Variants in RUNX1 observed in about 807,000 individuals in gnomAD.
RUNX1 encodes RUNX family transcription factor 1.
A neutral mutation model predicts 42.8 loss-of-function variants in RUNX1; 19 were observed. The observed-to-expected ratio is 0.44, with a 90% CI of 0.31 to 0.65. The LOEUF is 0.65. Ranked by LOEUF, RUNX1 falls within the 30% of genes least tolerant of loss-of-function variation. The pLI is 0.07. For missense variants in RUNX1, 528 were observed against 672.0 expected, an observed-to-expected ratio of 0.79 and a Z score of 2.37; for synonymous variants, 271 against 289.4, an observed-to-expected ratio of 0.94 and a Z score of 0.64.
chr21:34,801,226 A>G (rs773891704), intron 7 of RUNX1, among the ~76,000 whole-genome samples: 1 of 152,090 alleles, frequency 6.6e-6, no homozygotes, highest in Non-Finnish European at 1.5e-5. Context: ...AGCAAACAAA[A>G]GAGGTTTCAG....
intron 7 of RUNX1, among the ~76,000 whole-genome samples, chr21:34,815,444 C>T (rs1383811402): frequency 2.6e-5 from 4 of 152,134 alleles, no homozygotes; most frequent in African/African-American, 4.8e-5. Flanking sequence ...AGCACTGAAA[C>T]GCTCCAGGGC....
At chr21:34,899,190 A>C (rs1438939435) in intron 2 of RUNX1, among the ~76,000 whole-genome samples, 1 of 152,208 alleles carries the variant, frequency 6.6e-6, no homozygotes, top group Non-Finnish European at 1.5e-5. Flanking sequence ...TTGAGATTAC[A>C]GGTGTGAGCT....
intron 2 of RUNX1, among the ~76,000 whole-genome samples, chr21:34,945,876 T>A (rs371639861): frequency 3.3e-5 from 5 of 152,212 alleles, no homozygotes; most frequent in African/African-American, 1.2e-4. Context: ...TCCAGTCCCA[T>A]GTCTTCATTT....
At chr21:34,929,229 G>T (rs986961645) in intron 2 of RUNX1, among the ~76,000 whole-genome samples, 1 of 152,138 alleles carries the variant, frequency 6.6e-6, no homozygotes, top group Non-Finnish European at 1.5e-5. Context: ...CTTAATCACA[G>T]TGTATTTATT....
chr21:34,801,438 G>A (rs1007315380), intron 7 of RUNX1, among the ~76,000 whole-genome samples: 4 of 152,190 alleles, frequency 2.6e-5, no homozygotes, highest in South Asian at 2.1e-4. Context: ...CCATGCAAAC[G>A]TTGCATAATA....
rs1198818499 is a variant in RUNX1 at position 34,967,299 on chromosome 21, G to A, written c.59-74336C>T. ...CGCATCATTGCACTCCAGCCCAGGC[G>A]ACAGTGTGAGACTCGGTCTCAAAAA... On this transcript the variant is annotated intron_variant, in intron 2 of 8. Transcript: ENST00000675419. 1.1e-4 allele frequency among the ~76,000 whole-genome samples: 10 copies of A among 92,930 alleles called. No homozygotes were observed. The East Asian group carries it at 2.1e-3, about 19-fold the overall frequency. The allele number at this position is 92,930 out of a possible 152,430, so 61.0% of individuals were successfully genotyped here.
chr21:34,964,487 CAA>C (rs58388110), intron 2 of RUNX1, among the ~76,000 whole-genome samples: 6,174 of 119,254 alleles, frequency 0.052, 430 homozygotes, highest in African/African-American at 0.17. Context: ...GACTCCATCT[CAA>C]AAAAAAAAAA....
chr21:35,013,854 G>A lies in RUNX1; in HGVS notation c.58+34988C>T, dbSNP rs9653662. ...TTATCAACAATTTAAGGCCATTTAA[G>A]TAAACTACTGTGTTATAGAAATTCA... is the stretch of plus-strand genomic sequence containing the variant. On this transcript the variant is annotated intron_variant, in intron 2 of 8. Transcript: ENST00000675419. Among the ~76,000 whole-genome samples, 584 of 152,260 alleles carry A rather than the reference G, an allele frequency of 3.8e-3. 2 individuals carry two copies. Among genetic ancestry groups the A allele is most frequent in the African/African-American group, 0.013 (546 of 41,550 alleles).
At chr21:34,921,220 C>G (rs1476894270) in intron 2 of RUNX1, among the ~76,000 whole-genome samples, 2 of 152,188 alleles carry the variant, frequency 1.3e-5, no homozygotes, top group Non-Finnish European at 2.9e-5. Flanking sequence ...GCCATCACCA[C>G]CTTCCATCTC....
intron 2 of RUNX1, among the ~76,000 whole-genome samples, chr21:34,947,018 C>T (rs115185842): frequency 0.01 from 1,587 of 152,246 alleles, 23 homozygotes; most frequent in African/African-American, 0.037. Flanking sequence ...CCAATTCTAC[C>T]ATGGTCTTTC....
intron 3 of RUNX1, among the ~76,000 whole-genome samples, chr21:34,892,088 A>G (rs2058086785): frequency 6.6e-6 from 1 of 152,240 alleles, no homozygotes; most frequent in Non-Finnish European, 1.5e-5. Flanking sequence ...TTCCAAAATC[A>G]CATTTGTAAA....
chr21:35,014,433 T>C (rs1288425455), intron 2 of RUNX1, among the ~76,000 whole-genome samples: 4 of 152,216 alleles, frequency 2.6e-5, no homozygotes, highest in African/African-American at 9.7e-5. Context: ...CCAGGATCGA[T>C]ACTTAGTCAT....
At chr21:34,874,296 A>G (rs576118311) in intron 5 of RUNX1, among the ~76,000 whole-genome samples, 1 of 152,186 alleles carries the variant, frequency 6.6e-6, no homozygotes, top group South Asian at 2.1e-4. Context: ...ATAATCATCT[A>G]CAGAAAGAAA....
chr21:34,976,175 G>A (rs1275780197), intron 2 of RUNX1, among the ~76,000 whole-genome samples: 1 of 151,340 alleles, frequency 6.6e-6, no homozygotes, highest in Non-Finnish European at 1.5e-5. Flanking sequence ...TTTTCACACT[G>A]TTCAAGCTCA....
intron 2 of RUNX1, among the ~76,000 whole-genome samples, chr21:34,974,215 T>C (rs1224979148): frequency 1.3e-5 from 2 of 152,114 alleles, no homozygotes; most frequent in African/African-American, 4.8e-5. Context: ...GCAAGACTAC[T>C]CAACACCCAG....
At chr21:34,876,567 ATT>A (rs747777918) in intron 5 of RUNX1, among the ~76,000 whole-genome samples, 1 of 148,312 alleles carries the variant, frequency 6.7e-6, no homozygotes, top group Admixed American at 6.7e-5. Flanking sequence ...GAACACGTGC[ATT>A]TTTTTTTTGT....
intron 3 of RUNX1, chr21:34,889,818 G>A: frequency 9.0e-7 from 1 of 1,115,504 alleles, no homozygotes; most frequent in Non-Finnish European, 1.1e-6. Context: ...CTCCCTCCCA[G>A]CGGAGGCTGC....
chr21:34,831,159 T>C (rs1007469775), intron 7 of RUNX1, among the ~76,000 whole-genome samples: 1 of 152,192 alleles, frequency 6.6e-6, no homozygotes, highest in African/African-American at 2.4e-5. Context: ...AAGTTAATGA[T>C]GGTGTCCTGA....
chr21:34,911,324 C>T (rs1307168548), intron 2 of RUNX1, among the ~76,000 whole-genome samples: 6 of 152,200 alleles, frequency 3.9e-5, no homozygotes, highest in Admixed American at 2.0e-4. Flanking sequence ...ATATTAACAA[C>T]AGCTGCCACC....
Sources: allele counts gnomAD v4.1 joint callset (sites outside exome capture counted in the v4.1 genomes callset), GRCh38; gene constraint gnomAD v4.1.1; transcripts MANE v1.5; gene names NCBI Gene and HGNC (gene_info 2026-07-23, HGNC 2026-07-21).